The following ARHGAP45 variants were observed in gnomAD, a reference collection of about 807,000 sequenced individuals.
ARHGAP45 encodes the protein rho GTPase-activating protein 45.
In ARHGAP45, 56 loss-of-function variants were observed where a neutral mutation model predicts 116.1. That is an observed-to-expected ratio of 0.48 (90% CI 0.39 to 0.60). ARHGAP45 has a LOEUF of 0.60. Ranked by LOEUF, ARHGAP45 falls within the 20% of genes least tolerant of loss-of-function variation. ARHGAP45 has a pLI of 0.00. For missense variants in ARHGAP45, 1,622 were observed against 1,601.0 expected, an observed-to-expected ratio of 1.01 and a Z score of -0.22; for synonymous variants, 866 against 701.7, an observed-to-expected ratio of 1.23 and a Z score of -3.70.
chr19:1,078,799 C>T (rs938091689), intron 11 of ARHGAP45, among the ~76,000 whole-genome samples: 5 of 152,124 alleles, frequency 3.3e-5, no homozygotes, highest in African/African-American at 1.2e-4. Context: ...TCACTGCAGC[C>T]TCTACCTCCT....
Position 1,079,952 on chromosome 19 carries a change from A to T in ARHGAP45, c.1537A>T (p.Met513Leu), listed in dbSNP as rs1469504720. 1 of 1,611,872 alleles carries T rather than the reference A, an allele frequency of 6.2e-7. No homozygotes were observed. The highest frequency in any genetic ancestry group is 8.5e-7 in the Non-Finnish European group (1 of 1,179,172). ...GGCCACGATCTCCTACTACCAGATG[A>T]TGCATATGCAGACGGCGCCGCTGCC... is the stretch of plus-strand genomic sequence containing the variant. The part of the protein sequence containing the change: ...KSATISYYQM[M>L]HMQTAPLPVH... Residue 513 changes from methionine (M) to leucine (L), a missense_variant, in exon 13 of 23, where the codon ATG becomes TTG. Physicochemically the swap from Met to Leu is conservative, Grantham distance 15 (BLOSUM62 2). This residue lies in a region of ARHGAP45 where 1,334 missense variants were observed against 1,263.8 expected (regional missense o/e 1.06). Transcript: ENST00000313093.
In ARHGAP45 at chr19:1,071,169, G is replaced by T; in HGVS notation, c.422-1980G>T. 7.5e-7 allele frequency: 1 copy of T among 1,327,990 alleles called. No homozygotes were observed. Among genetic ancestry groups the T allele is most frequent in the Non-Finnish European group, 9.6e-7 (1 of 1,040,122 alleles). 82.3% of individuals were successfully genotyped at this position (1,327,990 alleles called of 1,614,324 possible). A position where few individuals can be genotyped will look rare whatever the true frequency, so the allele number is the denominator to read the frequency against. On this transcript the variant is annotated intron_variant, in intron 2 of 22. Coordinates refer to ENST00000313093, the MANE Select transcript of ARHGAP45 (RefSeq NM_012292.5). The surrounding 1 kb of genome is among the most constrained non-coding windows in gnomAD (Gnocchi z 4.6). ...GGGGCGAACGGGACCCCAGGGCGGG[G>T]TTTCCCTCGCGGGGGCGGGGCCTCC... is the stretch of plus-strand genomic sequence containing the variant.
chr19:1,082,546 T>C (rs2043471062), intron 19 of ARHGAP45: 1 of 441,974 alleles, frequency 2.3e-6, no homozygotes, highest in Non-Finnish European at 4.0e-6. Context: ...TCGCAGGTGG[T>C]TGGGAAGGGG....
Position 1,068,784 on chromosome 19 carries a change from G to C in ARHGAP45, c.421+40G>C. 1 of 1,583,610 alleles carries C rather than the reference G, an allele frequency of 6.3e-7. No individual in the cohort carries two copies. The highest frequency in any genetic ancestry group is 8.6e-7 in the Non-Finnish European group (1 of 1,156,472). ...GACACCGAGGCCTGGGTGGAAGACA[G>C]AGCCAGACCCAAGGGAGGATGGAGG... On this transcript the variant is annotated intron_variant, in intron 2 of 22. Coordinates refer to ENST00000313093, the MANE Select transcript of ARHGAP45 (RefSeq NM_012292.5). This position sits in a 1 kb window ranked among gnomAD's most constrained non-coding sequence, Gnocchi z 7.5.
chr19:1,077,188 G>A, intron 10 of ARHGAP45: 3 of 985,396 alleles, frequency 3.0e-6, no homozygotes, highest in Non-Finnish European at 3.6e-6. Flanking sequence ...GTTCTCGTCT[G>A]TGAGGAGGGA....
intron 10 of ARHGAP45, among the ~76,000 whole-genome samples, chr19:1,075,700 C>T (rs1028915726): frequency 6.6e-6 from 1 of 152,146 alleles, no homozygotes; most frequent in Admixed American, 6.5e-5. Context: ...TGCAGACTTG[C>T]CTTCTTGGGC....
intron 21 of ARHGAP45, among the ~76,000 whole-genome samples, chr19:1,083,621 C>T (rs149594328): frequency 2.0e-5 from 3 of 152,340 alleles, no homozygotes; most frequent in Non-Finnish European, 4.4e-5. Context: ...CCTTCACCCC[C>T]AGCTTCCTTC....
chr19:1,073,706 G>A lies in ARHGAP45; in HGVS notation c.683G>A (p.Ser228Asn). 1 of 1,604,122 alleles carries A rather than the reference G, an allele frequency of 6.2e-7. No individual in the cohort carries two copies. Among genetic ancestry groups the A allele is most frequent in the Non-Finnish European group, 8.5e-7 (1 of 1,175,074 alleles). Reference sequence around the variant, plus strand: ...GAGTTCCTCATGGGTGAAGTGGACAGCAGCACCCTCCTAGCAGTGCCTCCT... The same window carrying A: ...GAGTTCCTCATGGGTGAAGTGGACAACAGCACCCTCCTAGCAGTGCCTCCT... The part of the protein sequence containing the change: ...VSEFLMGEVD[S>N]STLLAVPPGD... Residue 228 changes from serine (S) to asparagine (N), a missense_variant, in exon 5 of 23, where the codon AGC becomes AAC. Coordinates refer to ENST00000313093, the MANE Select transcript of ARHGAP45 (RefSeq NM_012292.5).
chr19:1,084,256 C>A lies in ARHGAP45; in HGVS notation c.2974C>A (p.Arg992=), dbSNP rs2043531946. 1.9e-6 allele frequency: 3 copies of A among 1,613,514 alleles called. No homozygotes were observed. The highest frequency in any genetic ancestry group is 1.7e-4 in the Middle Eastern group (1 of 6,008). The change falls in exon 22 of 23, where the codon CGA becomes AGA. Residue 992 remains arginine, a synonymous_variant. Coordinates refer to ENST00000313093, the MANE Select transcript of ARHGAP45 (RefSeq NM_012292.5). ...PGGQDESSNQ[R]AEVVVQVPYL... is the part of the protein sequence containing the mutation. Reference sequence around the variant, plus strand: ...CTTGCAGGACGAGTCATCCAACCAGCGAGCTGAGGTAGTCGTCCAGGTGCC... The same window carrying A: ...CTTGCAGGACGAGTCATCCAACCAGAGAGCTGAGGTAGTCGTCCAGGTGCC...
rs775945861 is a variant in ARHGAP45, at chr19:1,074,793, C to T, written c.1105-6C>T. The T allele has an allele frequency of 4.4e-6, 7 of 1,601,696 alleles. No homozygotes were observed. Among genetic ancestry groups the T allele is most frequent in the Non-Finnish European group, 6.0e-6 (7 of 1,176,232 alleles). Reference sequence around the variant, plus strand: ...GGGTACCCACTCACGGCCCGTCTCGCCCCAGCCCCTGACCCTGCGGCGGCT... The same window carrying T: ...GGGTACCCACTCACGGCCCGTCTCGTCCCAGCCCCTGACCCTGCGGCGGCT... On this transcript the variant is annotated splice_polypyrimidine_tract_variant and splice_region_variant and intron_variant, in intron 9 of 22. Transcript: ENST00000313093.
intron 2 of ARHGAP45, among the ~76,000 whole-genome samples, chr19:1,070,863 T>C (rs959570215): frequency 6.6e-6 from 1 of 152,162 alleles, no homozygotes; most frequent in African/African-American, 2.4e-5. Flanking sequence ...CTAGTCCCGA[T>C]GTTTCTCAGC....
intron 17 of ARHGAP45, 91 bp downstream of exon 17, chr19:1,081,155 G>A (rs114430841): frequency 2.1e-6 from 3 of 1,398,018 alleles, no homozygotes; most frequent in Admixed American, 2.3e-5. Flanking sequence ...AGGAATGTCC[G>A]GCCCAGAGCA....
At chr19:1,081,447 G>C (rs1036655006) in intron 17 of ARHGAP45, 103 bp from the exon 18 acceptor site, 14 of 1,172,510 alleles carry the variant, frequency 1.2e-5, no homozygotes, top group Non-Finnish European at 1.6e-5. Flanking sequence ...AGAAGCTGCC[G>C]TGTGGGGGCT....
At chr19:1,079,589 G>T in intron 11 of ARHGAP45, 114 bp from the exon 12 acceptor site, 1 of 1,348,286 alleles carries the variant, frequency 7.4e-7, no homozygotes, top group Admixed American at 2.2e-5. Flanking sequence ...GTCTCCCACT[G>T]TGGCCTCCCG....
chr19:1,078,944 G>T (rs1296640931), intron 11 of ARHGAP45, among the ~76,000 whole-genome samples: 1 of 151,260 alleles, frequency 6.6e-6, no homozygotes, highest in Admixed American at 6.6e-5. Context: ...ACTTTGGGAG[G>T]CCGAGGCAGG....
chr19:1,073,058 T>C, intron 2 of ARHGAP45, 91 bp from the exon 3 acceptor site: 1 of 1,439,010 alleles, frequency 6.9e-7, no homozygotes, highest in Admixed American at 2.2e-5. Context: ...TTTCCCCATC[T>C]GGGAACAGGA....
rs1188994945 is a variant in ARHGAP45, at chr19:1,067,247, G to C, written c.-159G>C. On this transcript the variant is annotated 5_prime_UTR_variant, in exon 1 of 23. Coordinates refer to ENST00000313093, the MANE Select transcript of ARHGAP45 (RefSeq NM_012292.5). ...CGCCTCCCCGAAGCCTTTTCCTGTTGGGGGGAGGGCCCGCCAGTGACGGCC... is the reference window on the plus strand; with the variant it reads ...CGCCTCCCCGAAGCCTTTTCCTGTTCGGGGGAGGGCCCGCCAGTGACGGCC... The C allele has an allele frequency of 1.2e-5, 15 of 1,265,418 alleles. No homozygotes were observed. Among genetic ancestry groups the C allele is most frequent in the African/African-American group, 2.8e-5 (1 of 35,200 alleles). 78.4% of individuals were successfully genotyped at this position (1,265,418 alleles called of 1,614,324 possible). A position where few individuals can be genotyped will look rare whatever the true frequency, so the allele number is the denominator to read the frequency against.
At position 1,085,847 on chromosome 19, in the gene ARHGAP45, G is replaced by C. The variant is rs938674143; in HGVS notation, c.3252G>C (p.Glu1084Asp). ...AGCAGCTGGAGGCCACAGCCCGGGA[G>C]GACGGGGACGGGGACGAGGACGGCC... The part of the protein sequence containing the change: ...SEEQLEATAR[E>D]DGDGDEDGPA... Residue 1084 changes from glutamate (E) to aspartate (D), a missense_variant, in exon 23 of 23, where the codon GAG (glutamate) becomes GAC (aspartate). Physicochemically the swap from Glu to Asp is conservative, Grantham distance 45. Transcript: ENST00000313093. 1.2e-6 allele frequency: 2 copies of C among 1,606,828 alleles called. No individual in the cohort carries two copies. The highest frequency in any genetic ancestry group is 3.4e-5 in the Admixed American group (2 of 59,594).
At chr19:1,073,436 G>C (rs994362463) in intron 3 of ARHGAP45, 70 bp from the exon 4 acceptor site, 5 of 1,571,458 alleles carry the variant, frequency 3.2e-6, no homozygotes, top group African/African-American at 2.7e-5. Context: ...TAAGGGCTCC[G>C]GTCAGTTCTT....
Sources: allele counts gnomAD v4.1 joint callset (sites outside exome capture counted in the v4.1 genomes callset), GRCh38; gene constraint gnomAD v4.1.1; regional missense constraint gnomAD v4.1.1; non-coding constraint Gnocchi (gnomAD v3.1); transcripts MANE v1.5; gene names NCBI Gene and HGNC (gene_info 2026-07-23, HGNC 2026-07-21).